Variants in FABP3 observed in about 807,000 individuals in gnomAD.
FABP3 encodes fatty acid-binding protein, heart.
In FABP3, 8 loss-of-function variants were observed where a neutral mutation model predicts 13.4. The observed-to-expected ratio is 0.60, with a 90% CI of 0.35 to 1.07. The LOEUF (loss-of-function observed/expected upper bound fraction) is 1.07. Ranked by LOEUF, FABP3 falls within the 50% of genes least tolerant of loss-of-function variation. The probability of loss-of-function intolerance (pLI) is 0.02; values close to 1 mark genes in which losing one functional copy is unlikely to be tolerated. For missense variants in FABP3, 135 were observed against 164.7 expected (o/e 0.82, Z 0.99); for synonymous variants, 64 against 60.0 (o/e 1.07, Z -0.31).
intron 1 of FABP3, among the ~76,000 whole-genome samples, chr1:31,369,831 A>T (rs1248450327): frequency 6.6e-6 from 1 of 152,166 alleles, no homozygotes; most frequent in Non-Finnish European, 1.5e-5. Context: ...TATTGGGCCA[A>T]GTGTGGTGGC....
chr1:31,369,537 G>A lies in FABP3; in HGVS notation c.94C>T (p.Gln32Ter). Residue 32 changes from glutamine (Q) to a stop codon, truncating the protein, a stop_gained, in exon 2 of 4, where the codon CAG becomes TAG. Transcript: ENST00000373713. LOFTEE classifies it high-confidence loss of function. ...GTAGGCTTGGTCATGCTGGCCACCT[G>A]CCTGGTAGCAAAACCCACACCTGAG... ...KSLGVGFATR[Q>*]VASMTKPTTI... The A allele has an allele frequency of 1.2e-6, 2 of 1,614,096 alleles. No homozygotes were observed. Among genetic ancestry groups the A allele is most frequent in the Non-Finnish European group, 8.5e-7 (1 of 1,180,020 alleles).
intron 1 of FABP3, among the ~76,000 whole-genome samples, chr1:31,372,012 A>G (rs1222583872): frequency 1.3e-5 from 2 of 151,878 alleles, no homozygotes; most frequent in African/African-American, 2.4e-5. Flanking sequence ...ATACATTTCT[A>G]CTCTCCTGGT....
At chr1:31,360,220 A>G in the FABP3 span, among the ~76,000 whole-genome samples, 1 of 150,094 alleles carries the variant, frequency 6.7e-6, no homozygotes, top group African/African-American at 2.5e-5. Context: ...CCCAGGCTGG[A>G]GTGCAGTGGC....
downstream of FABP3, among the ~76,000 whole-genome samples, chr1:31,362,952 C>A (rs1319353921): frequency 1.3e-5 from 2 of 152,150 alleles, no homozygotes; most frequent in African/African-American, 2.4e-5. Flanking sequence ...ACACTTATTA[C>A]CAGTTTGATG....
chr1:31,367,747 A>G (rs1450022050), intron 2 of FABP3, among the ~76,000 whole-genome samples: 2 of 152,198 alleles, frequency 1.3e-5, no homozygotes, highest in Admixed American at 1.3e-4. Context: ...GGCAGGCAGT[A>G]TGGTGGAGCC....
At position 31,372,932 on chromosome 1, in the gene FABP3, G is replaced by T; in HGVS notation, c.73+10C>A. ...CCAAGCCAACATCCTGAGCCCCGCG[G>T]CTTGCTCACCGAGTGACTTCATGTA... On this transcript the variant is annotated intron_variant, in intron 1 of 3. Transcript: ENST00000373713. 6.2e-7 allele frequency: 1 copy of T among 1,612,440 alleles called. No homozygotes were observed. The highest frequency in any genetic ancestry group is 8.5e-7 in the Non-Finnish European group (1 of 1,179,824).
intron 2 of FABP3, 21 bp from the exon 3 acceptor site, chr1:31,367,515 C>T (rs1360170847): frequency 6.3e-7 from 1 of 1,598,278 alleles, no homozygotes; most frequent in Non-Finnish European, 8.6e-7. Flanking sequence ...AGGGTAGAGG[C>T]CTGAGCTGTG....
At chr1:31,366,128 T>G (rs571090379) in intron 3 of FABP3, among the ~76,000 whole-genome samples, 189 bp from the exon 4 acceptor site, 9 of 151,668 alleles carry the variant, frequency 5.9e-5, no homozygotes, top group Non-Finnish European at 1.2e-4. Context: ...TTTTCTGATA[T>G]GCACAGCAAA....
Position 31,365,656 on chromosome 1 carries a change from T to C in FABP3, c.*230A>G. On this transcript the variant is annotated 3_prime_UTR_variant, in exon 4 of 4. Coordinates refer to ENST00000373713, the MANE Select transcript of FABP3 (RefSeq NM_004102.5). ...TACCAAAGGCAAAAAGGCAACTGGG[T>C]GGCCTTGGCTCTGCTTTATTGACCT... The C allele has an allele frequency of 2.2e-6, 1 of 461,404 alleles. No individual in the cohort carries two copies. Among genetic ancestry groups the C allele is most frequent in the Non-Finnish European group, 3.9e-6 (1 of 255,580 alleles). 28.6% of individuals were successfully genotyped at this position (461,404 alleles called of 1,614,324 possible).
chr1:31,368,474 C>A (rs1051295454), intron 2 of FABP3, among the ~76,000 whole-genome samples: 1 of 152,158 alleles, frequency 6.6e-6, no homozygotes, highest in Non-Finnish European at 1.5e-5. Flanking sequence ...GGGCAGCCAC[C>A]TTTATCCAAG....
Position 31,373,076 on chromosome 1 carries a change from C to T in FABP3, c.-62G>A. 1 of 1,511,394 alleles carries T rather than the reference C, an allele frequency of 6.6e-7. No individual in the cohort carries two copies. The allele number at this position is 1,511,394 out of a possible 1,614,324, so 93.6% of individuals were successfully genotyped here. ...AGCAGGCGTGCAAGGGCTCCGACGGCGGCTCCCTGCCCGGGCTGCCGCTTT... is the reference window on the plus strand; with the variant it reads ...AGCAGGCGTGCAAGGGCTCCGACGGTGGCTCCCTGCCCGGGCTGCCGCTTT... On this transcript the variant is annotated 5_prime_UTR_variant, in exon 1 of 4. Coordinates refer to ENST00000373713, the MANE Select transcript of FABP3 (RefSeq NM_004102.5).
In FABP3 at chr1:31,365,557, C is replaced by T; in HGVS notation, c.*329G>A. On this transcript the variant is annotated 3_prime_UTR_variant, in exon 4 of 4. Transcript: ENST00000373713. Reference sequence around the variant, plus strand: ...TCAGTCTCCCATCCAGTGCTTCTTCCTCAGTAACCTTCAGGCCGTTATTTC... The same window carrying T: ...TCAGTCTCCCATCCAGTGCTTCTTCTTCAGTAACCTTCAGGCCGTTATTTC... 6.7e-6 allele frequency: 2 copies of T among 296,366 alleles called. No homozygotes were observed. Among genetic ancestry groups the T allele is most frequent in the Non-Finnish European group, 1.3e-5 (2 of 153,494 alleles). The allele number at this position is 296,366 out of a possible 1,614,324, so 18.4% of individuals were successfully genotyped here.
In FABP3 at chr1:31,365,279, G is replaced by A. The variant is rs1640080939; in HGVS notation, c.*607C>T. Among the ~76,000 whole-genome samples the A allele has an allele frequency of 6.6e-6, 1 of 152,158 alleles. No homozygotes were observed. The highest frequency in any genetic ancestry group is 1.5e-5 in the Non-Finnish European group (1 of 68,022). The stretch of plus-strand genomic sequence containing the variant: ...ACCATGGTACAAGCCTGGGTTCTGT[G>A]CCCTGAACCTGAATTCTGGAAAGGG... On this transcript the variant is annotated 3_prime_UTR_variant, in exon 4 of 4. Coordinates refer to ENST00000373713, the MANE Select transcript of FABP3 (RefSeq NM_004102.5).
intron 1 of FABP3, 25 bp from the exon 2 acceptor site, chr1:31,369,582 G>C (rs766626738): frequency 6.2e-7 from 1 of 1,612,284 alleles, no homozygotes; most frequent in Non-Finnish European, 8.5e-7. Context: ...AAGGTTATGA[G>C]TATATGAGCT....
In FABP3 at chr1:31,369,401, T is replaced by A. The variant is rs1640164978; in HGVS notation, c.230A>T (p.Asp77Val). ...CTGACTTACCTTGACCTTCCTGTCA[T>A]CTGCTGTTGTCTCATCGAACTCCAC... The part of the protein sequence containing the change: ...LGVEFDETTA[D>V]DRKVKSIVTL... Residue 77 changes from aspartate (D) to valine (V), a missense_variant, in exon 2 of 4, where the codon GAT (aspartate) becomes GTT (valine). Coordinates refer to ENST00000373713, the MANE Select transcript of FABP3 (RefSeq NM_004102.5). 6.2e-7 allele frequency: 1 copy of A among 1,614,164 alleles called. No homozygotes were observed. The highest frequency in any genetic ancestry group is 8.5e-7 in the Non-Finnish European group (1 of 1,180,016).
downstream of FABP3, among the ~76,000 whole-genome samples, chr1:31,360,603 G>A (rs1423022226): frequency 2.0e-5 from 3 of 152,222 alleles, no homozygotes; most frequent in African/African-American, 7.2e-5. Context: ...TCAAAGTTGA[G>A]GTCTAGGAGA....
At chr1:31,370,410 T>G (rs1488948553) in intron 1 of FABP3, among the ~76,000 whole-genome samples, 1 of 152,204 alleles carries the variant, frequency 6.6e-6, no homozygotes, top group Non-Finnish European at 1.5e-5. Flanking sequence ...ACATAGACTT[T>G]CCCTTCCAAA....
chr1:31,365,797 C>A lies in FABP3; in HGVS notation c.*89G>T, dbSNP rs778545299. On this transcript the variant is annotated 3_prime_UTR_variant, in exon 4 of 4. Coordinates refer to ENST00000373713, the MANE Select transcript of FABP3 (RefSeq NM_004102.5). ...CCCCAGAAGAATTCGTGGATTTGTA[C>A]AAAATGCAGAGGAAGAAATGAGGCA... The A allele has an allele frequency of 8.1e-7, 1 of 1,234,028 alleles. No individual in the cohort carries two copies. The highest frequency in any genetic ancestry group is 1.8e-5 in the Admixed American group (1 of 56,108). 76.4% of individuals were successfully genotyped at this position (1,234,028 alleles called of 1,614,324 possible).
rs1640084111 is a variant in FABP3, at chr1:31,365,426, T to G, written c.*460A>C. 1.3e-5 allele frequency among the ~76,000 whole-genome samples: 2 copies of G among 152,176 alleles called. 1 individual carries two copies. Among genetic ancestry groups the G allele is most frequent in the African/African-American group, 4.8e-5 (2 of 41,444 alleles). ...CCCATCACTGACTGAACTAGGTCATTTGACCATGGAGGGGGGGCAGTGTAA... is the reference window on the plus strand; with the variant it reads ...CCCATCACTGACTGAACTAGGTCATGTGACCATGGAGGGGGGGCAGTGTAA... On this transcript the variant is annotated 3_prime_UTR_variant, in exon 4 of 4. Coordinates refer to ENST00000373713, the MANE Select transcript of FABP3 (RefSeq NM_004102.5).
Sources: allele counts gnomAD v4.1 joint callset (sites outside exome capture counted in the v4.1 genomes callset), GRCh38; gene constraint gnomAD v4.1.1; transcripts MANE v1.5; gene names NCBI Gene and HGNC (gene_info 2026-07-23, HGNC 2026-07-21).